TMEM45A: variants seen among roughly 807,000 people sequenced by gnomAD.
TMEM45A encodes the protein DNA polymerase-transactivated protein 4.
TMEM45A carries 25 observed loss-of-function variants against 32.0 expected under a neutral mutation model. That is an observed-to-expected ratio of 0.78 (90% CI 0.57 to 1.09). TMEM45A has a LOEUF of 1.09. TMEM45A is among the 50% of genes least tolerant of loss of function. The pLI, the probability that TMEM45A is intolerant of heterozygous loss-of-function variation, is 0.00. For missense variants in TMEM45A, 302 were observed against 325.0 expected (o/e 0.93, Z 0.54); for synonymous variants, 122 against 114.8 (o/e 1.06, Z -0.40).
intron 1 of TMEM45A, among the ~76,000 whole-genome samples, chr3:100,522,246 G>T (rs1037895964): frequency 6.6e-6 from 1 of 152,172 alleles, no homozygotes; most frequent in Admixed American, 6.5e-5. Context: ...CAGTGGTTTG[G>T]GGGGCTGACT....
At chr3:100,565,533 G>A (rs9830133) in intron 4 of TMEM45A, among the ~76,000 whole-genome samples, 48,887 of 151,682 alleles carry the variant, frequency 0.32, 8,775 homozygotes, top group African/African-American at 0.46. Context: ...TAAATCACCC[G>A]ATTTTATTAT....
At chr3:100,567,536 A>G (rs1706468369) in intron 4 of TMEM45A, among the ~76,000 whole-genome samples, 2 of 151,194 alleles carry the variant, frequency 1.3e-5, no homozygotes, top group South Asian at 4.2e-4. Flanking sequence ...AAAAAAAAAA[A>G]AAAAAGAACA....
intron 1 of TMEM45A, among the ~76,000 whole-genome samples, chr3:100,552,430 T>C (rs1220640920): frequency 1.3e-5 from 2 of 152,176 alleles, no homozygotes; most frequent in Non-Finnish European, 2.9e-5. Context: ...AGGAAGGATT[T>C]CTCCAAGCAG....
intron 1 of TMEM45A, among the ~76,000 whole-genome samples, chr3:100,530,842 CT>C (rs1432285668): frequency 6.6e-6 from 1 of 151,888 alleles, no homozygotes; most frequent in Non-Finnish European, 1.5e-5. Flanking sequence ...TTTTGTTTTT[CT>C]TTGAGTTCAT....
chr3:100,508,324 G>T (rs756402948), intron 1 of TMEM45A, among the ~76,000 whole-genome samples: 1 of 152,048 alleles, frequency 6.6e-6, no homozygotes, highest in African/African-American at 2.4e-5. Context: ...GCCCAGGCCC[G>T]ACAAGACTGC....
intron 1 of TMEM45A, among the ~76,000 whole-genome samples, chr3:100,512,661 C>G (rs1708186623): frequency 6.7e-6 from 1 of 150,140 alleles, no homozygotes; most frequent in Non-Finnish European, 1.5e-5. Flanking sequence ...ACAAAAAACC[C>G]TTCAAAAAAT....
chr3:100,520,721 A>G (rs1705422636), intron 1 of TMEM45A, among the ~76,000 whole-genome samples: 1 of 152,188 alleles, frequency 6.6e-6, no homozygotes, highest in Non-Finnish European at 1.5e-5. Context: ...CGGGTTGCCA[A>G]CCTAACTTCA....
intron 1 of TMEM45A, among the ~76,000 whole-genome samples, chr3:100,511,558 G>A (rs1268591178): frequency 1.3e-5 from 2 of 152,020 alleles, no homozygotes; most frequent in African/African-American, 4.8e-5. Flanking sequence ...GGAAGAAACT[G>A]CATGAACTAA....
chr3:100,566,341 G>GC (rs1379415146), intron 4 of TMEM45A, among the ~76,000 whole-genome samples: 5 of 152,056 alleles, frequency 3.3e-5, no homozygotes, highest in Admixed American at 1.3e-4. Context: ...CAAAACGGTT[G>GC]CCACAGTAGC....
chr3:100,558,913 G>A (rs988705959), intron 4 of TMEM45A, among the ~76,000 whole-genome samples: 2 of 152,090 alleles, frequency 1.3e-5, no homozygotes, highest in African/African-American at 2.4e-5. Context: ...TATATAGAAG[G>A]CAGAAAAGAG....
intron 4 of TMEM45A, among the ~76,000 whole-genome samples, chr3:100,561,441 T>C (rs1241105909): frequency 6.6e-6 from 1 of 152,148 alleles, no homozygotes; most frequent in Non-Finnish European, 1.5e-5. Flanking sequence ...AGGAAACCAA[T>C]ACTCAGATTG....
At chr3:100,559,941 T>A in intron 4 of TMEM45A, among the ~76,000 whole-genome samples, 1 of 152,130 alleles carries the variant, frequency 6.6e-6, no homozygotes, top group Non-Finnish European at 1.5e-5. Flanking sequence ...GGGCTGGATG[T>A]AGAACAGAAA....
chr3:100,560,487 T>G (rs1434864192), intron 4 of TMEM45A, among the ~76,000 whole-genome samples: 2 of 152,222 alleles, frequency 1.3e-5, no homozygotes, highest in African/African-American at 4.8e-5. Flanking sequence ...ATGAGTTATT[T>G]AGGAGTACAC....
intron 1 of TMEM45A, among the ~76,000 whole-genome samples, chr3:100,535,964 A>G (rs1017001149): frequency 1.3e-5 from 2 of 152,224 alleles, no homozygotes; most frequent in African/African-American, 4.8e-5. Context: ...CTTGACGTTA[A>G]GGGGATTTCA....
chr3:100,545,616 G>A (rs564249950), intron 1 of TMEM45A, among the ~76,000 whole-genome samples: 1 of 152,284 alleles, frequency 6.6e-6, no homozygotes, highest in South Asian at 2.1e-4. Flanking sequence ...GACCTTTAAA[G>A]TTCTTCCCAA....
At chr3:100,549,253 A>AG (rs1160347367) in intron 1 of TMEM45A, among the ~76,000 whole-genome samples, 1 of 148,760 alleles carries the variant, frequency 6.7e-6, no homozygotes, top group Non-Finnish European at 1.5e-5. Context: ...TCTCAAAAAA[A>AG]AACAAAAAAA....
chr3:100,530,041 A>G (rs185947060), intron 1 of TMEM45A, among the ~76,000 whole-genome samples: 7 of 152,262 alleles, frequency 4.6e-5, no homozygotes, highest in South Asian at 2.1e-4. Flanking sequence ...CCAACTTTTT[A>G]AATGGAAAAT....
intron 1 of TMEM45A, among the ~76,000 whole-genome samples, chr3:100,552,847 T>C (rs1321070461): frequency 6.6e-6 from 1 of 152,228 alleles, no homozygotes; most frequent in Admixed American, 6.5e-5. Flanking sequence ...ATATATGGCC[T>C]CTGCTTTCAA....
At chr3:100,574,244 G>A (rs569683626) in intron 5 of TMEM45A, 1 of 152,238 alleles carries the variant, frequency 6.6e-6, no homozygotes, top group African/African-American at 2.4e-5. Context: ...AAAATTGATA[G>A]ACTGCTAGCA....
Sources: gnomAD v4.1 joint callset for allele counts (sites outside exome capture counted in the v4.1 genomes callset) on GRCh38, gnomAD v4.1.1 for gene constraint, MANE v1.5 for transcripts, NCBI Gene and HGNC (gene_info 2026-07-23, HGNC 2026-07-21) for gene names.